Variants in CTNNA2 observed in about 807,000 individuals in gnomAD.
CTNNA2 encodes catenin alpha-2.
CTNNA2 carries 42 observed loss-of-function variants against 101.0 expected under a neutral mutation model. The ratio of observed to expected loss-of-function variants is 0.42; its 90% CI spans 0.32 to 0.54. The LOEUF (loss-of-function observed/expected upper bound fraction) is 0.54, where lower values mean the gene tolerates loss of function less well. Among genes scored for constraint, CTNNA2 ranks in the 20% least tolerant of loss-of-function variants. The pLI, the probability that CTNNA2 is intolerant of heterozygous loss-of-function variation, is 0.14. For missense variants in CTNNA2, 871 were observed against 1,223.1 expected, an observed-to-expected ratio of 0.71 and a Z score of 4.29; for synonymous variants, 450 against 456.4, an observed-to-expected ratio of 0.99 and a Z score of 0.18.
At chr2:80,159,691 C>G (rs1451256937) in intron 7 of CTNNA2, among the ~76,000 whole-genome samples, 1 of 152,124 alleles carries the variant, frequency 6.6e-6, no homozygotes, top group Admixed American at 6.5e-5. Flanking sequence ...TCAGGCTGGT[C>G]TCGAACTCCT....
intron 9 of CTNNA2, among the ~76,000 whole-genome samples, chr2:80,440,441 A>G (rs1482693896): frequency 6.6e-6 from 1 of 152,184 alleles, no homozygotes; most frequent in Non-Finnish European, 1.5e-5. Flanking sequence ...AAATAAGTAA[A>G]TGGTGTTTCT....
intron 7 of CTNNA2, among the ~76,000 whole-genome samples, chr2:80,187,818 TAA>T (rs112284918): frequency 1.4e-5 from 2 of 141,096 alleles, no homozygotes. Flanking sequence ...ATTTAAACAC[TAA>T]AAAAAAAAAA....
intron 15 of CTNNA2, among the ~76,000 whole-genome samples, chr2:80,603,314 T>C (rs188770615): frequency 2.2e-4 from 33 of 152,232 alleles, no homozygotes; most frequent in African/African-American, 7.0e-4. Flanking sequence ...AAAAGACATA[T>C]AATATTAAAC....
chr2:79,271,169 G>T (rs1031550060), intron 2 of CTNNA2, among the ~76,000 whole-genome samples: 2 of 152,016 alleles, frequency 1.3e-5, no homozygotes, highest in South Asian at 2.1e-4. Flanking sequence ...TCCCTTTGGC[G>T]ATTCTTCTAG....
chr2:79,286,963 C>G (rs1032270073), intron 2 of CTNNA2, among the ~76,000 whole-genome samples: 1 of 152,024 alleles, frequency 6.6e-6, no homozygotes, highest in Non-Finnish European at 1.5e-5. Context: ...TCTTTTTATT[C>G]TTTTTTTCTC....
chr2:80,069,521 G>A (rs1422066891), intron 7 of CTNNA2, among the ~76,000 whole-genome samples: 1 of 152,150 alleles, frequency 6.6e-6, no homozygotes, highest in Non-Finnish European at 1.5e-5. Flanking sequence ...GATTGAAAAT[G>A]TACTAATTCC....
At chr2:80,601,421 C>CTTTTTTTTTTCT (rs1697512845) in intron 15 of CTNNA2, among the ~76,000 whole-genome samples, 1 of 84,410 alleles carries the variant, frequency 1.2e-5, no homozygotes, top group African/African-American at 4.8e-5. Flanking sequence ...TTCTTTCTTT[C>CTTTTTTTTTTCT]TTTTTTTTTT....
intron 7 of CTNNA2, among the ~76,000 whole-genome samples, chr2:79,982,327 A>G (rs1272753404): frequency 3.0e-5 from 4 of 135,330 alleles, no homozygotes; most frequent in African/African-American, 1.2e-4. Flanking sequence ...CATATATAAC[A>G]CACATATAAA....
intron 9 of CTNNA2, among the ~76,000 whole-genome samples, chr2:80,488,466 A>T (rs1224157030): frequency 1.3e-5 from 2 of 152,138 alleles, no homozygotes; most frequent in African/African-American, 2.4e-5. Context: ...TATAAAATAC[A>T]TTAAAACCCT....
intron 7 of CTNNA2, among the ~76,000 whole-genome samples, chr2:80,037,458 G>A (rs548711892): frequency 1.8e-4 from 28 of 152,122 alleles, no homozygotes; most frequent in Middle Eastern, 3.2e-3. Context: ...ACTACTCGAA[G>A]GCAAGTGATC....
chr2:80,192,494 C>T (rs954262619), intron 7 of CTNNA2, among the ~76,000 whole-genome samples: 1 of 152,066 alleles, frequency 6.6e-6, no homozygotes, highest in Admixed American at 6.6e-5. Context: ...TAAAATAAAT[C>T]TTAAAATGGG....
chr2:80,172,297 A>G (rs1705115011), intron 7 of CTNNA2, among the ~76,000 whole-genome samples: 1 of 152,102 alleles, frequency 6.6e-6, no homozygotes, highest in Non-Finnish European at 1.5e-5. Flanking sequence ...GCAATATATA[A>G]TTTCTCCCTC....
intron 7 of CTNNA2, among the ~76,000 whole-genome samples, chr2:80,069,792 C>A (rs1015506695): frequency 2.0e-5 from 3 of 151,970 alleles, no homozygotes; most frequent in Admixed American, 6.6e-5. Flanking sequence ...ATGGCCATGG[C>A]TGGTATTTAT....
intron 1 of CTNNA2, among the ~76,000 whole-genome samples, chr2:79,568,562 C>T (rs1675258571): frequency 1.3e-5 from 2 of 151,938 alleles, no homozygotes; most frequent in African/African-American, 4.8e-5. Context: ...TGCGCCACTG[C>T]ACTCCACCTG....
intron 9 of CTNNA2, among the ~76,000 whole-genome samples, chr2:80,425,425 A>T (rs950376442): frequency 6.6e-6 from 1 of 152,240 alleles, no homozygotes; most frequent in African/African-American, 2.4e-5. Flanking sequence ...CAATAAAAAC[A>T]GTTCTGACTG....
intron 1 of CTNNA2, among the ~76,000 whole-genome samples, chr2:79,609,030 G>A (rs1224156248): frequency 6.6e-6 from 1 of 151,924 alleles, no homozygotes; most frequent in Non-Finnish European, 1.5e-5. Context: ...AGTGACTTTT[G>A]CGAAGTTGTG....
At chr2:79,702,405 CAG>C (rs1685073190) in intron 2 of CTNNA2, among the ~76,000 whole-genome samples, 2 of 152,238 alleles carry the variant, frequency 1.3e-5, no homozygotes, top group South Asian at 4.1e-4. Flanking sequence ...GTAGTTGCAA[CAG>C]AGACCATAGG....
At chr2:80,016,534 A>T (rs1385337813) in intron 7 of CTNNA2, among the ~76,000 whole-genome samples, 1 of 152,320 alleles carries the variant, frequency 6.6e-6, no homozygotes, top group Middle Eastern at 3.4e-3. Flanking sequence ...ATTTCAGGAA[A>T]TCAGTCCTGA....
chr2:80,590,025 T>C (rs1234396019), intron 15 of CTNNA2, among the ~76,000 whole-genome samples: 1 of 152,232 alleles, frequency 6.6e-6, no homozygotes, highest in African/African-American at 2.4e-5. Flanking sequence ...TAAGATTCCA[T>C]TGTTTTCACA....
Sources: gnomAD v4.1 joint callset for allele counts (sites outside exome capture counted in the v4.1 genomes callset) on GRCh38, gnomAD v4.1.1 for gene constraint, MANE v1.5 for transcripts, NCBI Gene and HGNC (gene_info 2026-07-23, HGNC 2026-07-21) for gene names.